GALNT16: variants seen among roughly 807,000 people sequenced by gnomAD.
The protein encoded by GALNT16 is polypeptide N-acetylgalactosaminyltransferase 16.
GALNT16 carries 40 observed loss-of-function variants against 76.1 expected under a neutral mutation model. That is an observed-to-expected ratio of 0.53 (90% CI 0.41 to 0.68). GALNT16 has a LOEUF of 0.68. GALNT16 is among the 30% of genes least tolerant of loss of function. The pLI is 0.00. For missense variants in GALNT16, 621 were observed against 731.9 expected (o/e 0.85, Z 1.75); for synonymous variants, 276 against 285.2 (o/e 0.97, Z 0.32).
rs1594851840 is a variant in GALNT16 at position 69,324,718 on chromosome 14, A to C, written c.362A>C (p.Asp121Ala). The C allele has an allele frequency of 6.2e-7, 1 of 1,612,298 alleles. No individual in the cohort carries two copies. The highest frequency in any genetic ancestry group is 8.5e-7 in the Non-Finnish European group (1 of 1,178,958). ...TGCCCATCTGTGTCCTACTCCTCGG[A>C]CCTGCCAGCCACCAGCGTCATCATC... ...YSCPSVSYSSDLPATSVIITF... is the reference protein window; with the variant it reads ...YSCPSVSYSSALPATSVIITF... Residue 121 changes from aspartate to alanine, a missense_variant, in exon 3 of 15, where the codon GAC becomes GCC. By Grantham distance (126) the Asp-to-Ala change is moderately radical. Coordinates refer to ENST00000448469, the MANE Select transcript of GALNT16 (RefSeq NM_001168368.2).
At chr14:69,296,817 A>AGC (rs753523639) in intron 1 of GALNT16, among the ~76,000 whole-genome samples, 1 of 57,066 alleles carries the variant, frequency 1.8e-5, no homozygotes, top group Non-Finnish European at 3.7e-5. Context: ...AGATAGATAG[A>AGC]TAGATAGATA....
intron 1 of GALNT16, among the ~76,000 whole-genome samples, chr14:69,319,917 A>C (rs1012295667): frequency 2.0e-5 from 3 of 152,234 alleles, no homozygotes; most frequent in Admixed American, 2.0e-4. Context: ...CAGATTGTCC[A>C]AGCCCTGGTG....
intron 1 of GALNT16, among the ~76,000 whole-genome samples, chr14:69,284,755 A>G (rs1042437360): frequency 3.9e-5 from 6 of 152,130 alleles, no homozygotes; most frequent in African/African-American, 1.4e-4. Flanking sequence ...TAGTTCCCAT[A>G]ATCCCCATGT....
At chr14:69,308,425 A>C (rs771003578) in intron 1 of GALNT16, among the ~76,000 whole-genome samples, 1 of 152,166 alleles carries the variant, frequency 6.6e-6, no homozygotes, top group Non-Finnish European at 1.5e-5. Flanking sequence ...ATACCTATGC[A>C]TTTACACATG....
intron 1 of GALNT16, among the ~76,000 whole-genome samples, chr14:69,280,817 G>C (rs1382221002): frequency 1.3e-5 from 2 of 152,024 alleles, no homozygotes; most frequent in African/African-American, 4.8e-5. Flanking sequence ...GGGCCCAAAG[G>C]CTATTTACCT....
the GALNT16 span, among the ~76,000 whole-genome samples, chr14:69,371,328 A>G: frequency 1.1e-4 from 17 of 151,936 alleles, no homozygotes; most frequent in Admixed American, 1.1e-3. Flanking sequence ...ATCTCAGCTC[A>G]CTGCAACCTC....
intron 7 of GALNT16, 149 bp downstream of exon 7, chr14:69,331,700 G>T: frequency 1.5e-6 from 1 of 649,034 alleles, no homozygotes; most frequent in East Asian, 2.6e-5. Context: ...AAAATGAAGA[G>T]GGATTGGGTG....
chr14:69,373,890 C>T, the GALNT16 span, among the ~76,000 whole-genome samples: 2 of 152,120 alleles, frequency 1.3e-5, no homozygotes, highest in African/African-American at 4.8e-5. Context: ...AAGCAATCCT[C>T]CCACCTCAGC....
chr14:69,264,377 C>G (rs2044313282), intron 1 of GALNT16, among the ~76,000 whole-genome samples: 1 of 152,100 alleles, frequency 6.6e-6, no homozygotes, highest in Non-Finnish European at 1.5e-5. Context: ...GATGATAGCT[C>G]CATTTCTAGA....
intron 12 of GALNT16, among the ~76,000 whole-genome samples, chr14:69,346,192 C>T (rs1330723466): frequency 6.6e-6 from 1 of 152,018 alleles, no homozygotes; most frequent in Non-Finnish European, 1.5e-5. Context: ...CCATGCCCAG[C>T]CATAAGTCAT....
the GALNT16 span, among the ~76,000 whole-genome samples, chr14:69,367,689 C>A: frequency 1.4e-5 from 2 of 143,744 alleles, no homozygotes; most frequent in Non-Finnish European, 3.0e-5. Context: ...GAATTCCATA[C>A]AGGAAGGCCA....
At chr14:69,301,067 T>C (rs1006299535) in intron 1 of GALNT16, among the ~76,000 whole-genome samples, 1 of 151,258 alleles carries the variant, frequency 6.6e-6, no homozygotes, top group African/African-American at 2.4e-5. Flanking sequence ...AATCCATGTT[T>C]AACCAGTTTG....
intron 1 of GALNT16, among the ~76,000 whole-genome samples, chr14:69,273,737 G>T (rs2044435571): frequency 6.6e-6 from 1 of 152,236 alleles, no homozygotes; most frequent in South Asian, 2.1e-4. Context: ...TGTCAGGAAA[G>T]TCTCAATACC....
chr14:69,279,398 C>T (rs540017845), intron 1 of GALNT16, among the ~76,000 whole-genome samples: 269 of 152,302 alleles, frequency 1.8e-3, no homozygotes, highest in African/African-American at 6.0e-3. Context: ...CTGAAGGTAA[C>T]GATAGCACTA....
chr14:69,287,127 T>C (rs549003760), intron 1 of GALNT16, among the ~76,000 whole-genome samples: 4 of 152,358 alleles, frequency 2.6e-5, no homozygotes, highest in African/African-American at 9.6e-5. Context: ...GGTTTGTGAC[T>C]CTGCCCACTG....
At chr14:69,368,151 GCCT>G in the GALNT16 span, among the ~76,000 whole-genome samples, 9 of 151,990 alleles carry the variant, frequency 5.9e-5, no homozygotes, top group African/African-American at 2.2e-4. Context: ...AAAACCTCCT[GCCT>G]CCTTTTTCTG....
chr14:69,262,002 G>C (rs918731430), intron 1 of GALNT16, among the ~76,000 whole-genome samples: 3 of 152,230 alleles, frequency 2.0e-5, no homozygotes, highest in South Asian at 2.1e-4. Context: ...GATCTGAGCA[G>C]AGGGACAGGT....
chr14:69,264,065 C>G (rs2044309871), intron 1 of GALNT16, among the ~76,000 whole-genome samples: 1 of 152,168 alleles, frequency 6.6e-6, no homozygotes, highest in African/African-American at 2.4e-5. Flanking sequence ...CTTAGGTTTT[C>G]CATATGCCAG....
intron 1 of GALNT16, among the ~76,000 whole-genome samples, chr14:69,268,808 C>T (rs544860748): frequency 6.7e-4 from 102 of 152,318 alleles, no homozygotes; most frequent in Non-Finnish European, 1.0e-3. Flanking sequence ...TTGGAGATGG[C>T]ATTGGCATGC....
Sources: gnomAD v4.1 joint callset for allele counts (sites outside exome capture counted in the v4.1 genomes callset) on GRCh38, gnomAD v4.1.1 for gene constraint, MANE v1.5 for transcripts, NCBI Gene and HGNC (gene_info 2026-07-23, HGNC 2026-07-21) for gene names.